The following ADGRL3 variants were observed in gnomAD, a reference collection of about 807,000 sequenced individuals.
ADGRL3 encodes the protein adhesion G protein-coupled receptor L3.
In ADGRL3, 62 loss-of-function variants were observed where a neutral mutation model predicts 153.5. The ratio of observed to expected loss-of-function variants is 0.40; its 90% CI spans 0.33 to 0.50. ADGRL3 has a LOEUF of 0.50. Among genes scored for constraint, ADGRL3 ranks in the 20% least tolerant of loss-of-function variants. The pLI, the probability that ADGRL3 is intolerant of heterozygous loss-of-function variation, is 0.47. For synonymous variants in ADGRL3, 710 were observed against 672.5 expected, an observed-to-expected ratio of 1.06 and a Z score of -0.86; for missense variants, 1,641 against 1,859.4, an observed-to-expected ratio of 0.88 and a Z score of 2.16.
At chr4:62,062,980 A>G (rs1256061017) in intron 25 of ADGRL3, among the ~76,000 whole-genome samples, 1 of 152,092 alleles carries the variant, frequency 6.6e-6, no homozygotes, top group African/African-American at 2.4e-5. Flanking sequence ...GAAATGTCAA[A>G]TTCTGTTGTG....
intron 1 of ADGRL3, among the ~76,000 whole-genome samples, chr4:61,259,516 G>T (rs151107944): frequency 6.6e-6 from 1 of 151,998 alleles, no homozygotes; most frequent in Admixed American, 6.6e-5. Context: ...TATTGGTCAG[G>T]CTTCTTCCTA....
At chr4:61,778,235 A>T (rs957397272) in intron 8 of ADGRL3, among the ~76,000 whole-genome samples, 8 of 152,212 alleles carry the variant, frequency 5.3e-5, no homozygotes, top group Admixed American at 5.2e-4. Context: ...AGATATCTCA[A>T]ATATGTATTT....
intron 6 of ADGRL3, among the ~76,000 whole-genome samples, chr4:61,722,004 T>G (rs969551126): frequency 6.6e-6 from 1 of 152,202 alleles, no homozygotes; most frequent in Non-Finnish European, 1.5e-5. Flanking sequence ...AAGATTATAG[T>G]AATGAATCTA....
chr4:61,487,668 T>C (rs567707820), intron 2 of ADGRL3, among the ~76,000 whole-genome samples: 3 of 152,156 alleles, frequency 2.0e-5, no homozygotes, highest in Admixed American at 6.5e-5. Flanking sequence ...TGGCATATTG[T>C]TAATAATTGT....
At chr4:61,283,607 T>C (rs2150030250) in intron 1 of ADGRL3, among the ~76,000 whole-genome samples, 1 of 152,114 alleles carries the variant, frequency 6.6e-6, no homozygotes, top group Non-Finnish European at 1.5e-5. Context: ...ATTTCAGAAA[T>C]GGTACAGATT....
At chr4:61,452,574 T>C (rs560338224) in intron 2 of ADGRL3, among the ~76,000 whole-genome samples, 1 of 152,312 alleles carries the variant, frequency 6.6e-6, no homozygotes, top group South Asian at 2.1e-4. Context: ...CTTTTAGAGA[T>C]TCCTTGCTTA....
chr4:61,338,639 T>C (rs1382077934), intron 1 of ADGRL3, among the ~76,000 whole-genome samples: 1 of 152,212 alleles, frequency 6.6e-6, no homozygotes, highest in Non-Finnish European at 1.5e-5. Flanking sequence ...TGTTGCTATT[T>C]CCGAATTGGA....
intron 1 of ADGRL3, among the ~76,000 whole-genome samples, chr4:61,322,326 A>C (rs2095374839): frequency 6.6e-6 from 1 of 152,188 alleles, no homozygotes; most frequent in South Asian, 2.1e-4. Flanking sequence ...GAGCCAAACC[A>C]TATCGTTCCA....
intron 1 of ADGRL3, among the ~76,000 whole-genome samples, chr4:61,282,844 A>G (rs1443049314): frequency 6.6e-6 from 1 of 152,104 alleles, no homozygotes; most frequent in East Asian, 1.9e-4. Flanking sequence ...GAAATTAAAT[A>G]AATTTCAGTT....
chr4:61,788,078 A>T (rs190192386), intron 8 of ADGRL3, among the ~76,000 whole-genome samples: 1 of 152,278 alleles, frequency 6.6e-6, no homozygotes, highest in Non-Finnish European at 1.5e-5. Context: ...TGCAATTGGG[A>T]ATTGTGCTGC....
At chr4:61,710,430 A>G (rs2095949700) in intron 6 of ADGRL3, among the ~76,000 whole-genome samples, 1 of 152,128 alleles carries the variant, frequency 6.6e-6, no homozygotes, top group African/African-American at 2.4e-5. Context: ...AGAGATTCTT[A>G]CTTGCAAGAT....
intron 9 of ADGRL3, among the ~76,000 whole-genome samples, chr4:61,861,850 C>G (rs1462643088): frequency 6.6e-6 from 1 of 151,922 alleles, no homozygotes; most frequent in Non-Finnish European, 1.5e-5. Flanking sequence ...TACTTGAAGG[C>G]CCGCCCTACC....
In ADGRL3 at chr4:61,749,422, G is replaced by A. The variant is rs554644605; in HGVS notation, c.1399+15868G>A. On this transcript the variant is annotated intron_variant, in intron 8 of 26. Transcript: ENST00000683033. Reference sequence around the variant, plus strand: ...AGACACATGCACACATATGTTTATTGTGGCACTATGCACAATAGCAAAGAC... The same window carrying A: ...AGACACATGCACACATATGTTTATTATGGCACTATGCACAATAGCAAAGAC... 2.2e-4 allele frequency among the ~76,000 whole-genome samples: 33 copies of A among 152,284 alleles called. No individual in the cohort carries two copies. The East Asian group carries it at 6.4e-3, about 29-fold the overall frequency.
intron 2 of ADGRL3, among the ~76,000 whole-genome samples, chr4:61,476,009 G>A (rs563619505): frequency 1.3e-5 from 2 of 152,134 alleles, no homozygotes; most frequent in African/African-American, 4.8e-5. Context: ...TTGGCTCATG[G>A]GCATTTCTTT....
chr4:61,720,866 T>C (rs1446654633), intron 6 of ADGRL3, among the ~76,000 whole-genome samples: 1 of 152,180 alleles, frequency 6.6e-6, no homozygotes, highest in Non-Finnish European at 1.5e-5. Context: ...CCAGGGAGCA[T>C]AGCACAGAGG....
At chr4:61,480,649 T>G (rs1040184124) in intron 2 of ADGRL3, among the ~76,000 whole-genome samples, 7 of 151,700 alleles carry the variant, frequency 4.6e-5, no homozygotes, top group African/African-American at 1.7e-4. Context: ...TGGGCGGGGT[T>G]TCGGGTGCCT....
chr4:61,898,942 C>T lies in ADGRL3; in HGVS notation c.1887+3108C>T, dbSNP rs572462973. On this transcript the variant is annotated intron_variant, in intron 11 of 26. Coordinates refer to ENST00000683033, the MANE Select transcript of ADGRL3 (RefSeq NM_001387552.1). The stretch of plus-strand genomic sequence containing the variant: ...ACCCTAATCTTATTATGCAAATAGG[C>T]TTTCCACTTGGCAGGCCACGTTGCC... Among the ~76,000 whole-genome samples the T allele has an allele frequency of 2.6e-5, 4 of 152,164 alleles. No individual in the cohort carries two copies. The East Asian group carries it at 7.8e-4, about 30-fold the overall frequency.
intron 1 of ADGRL3, among the ~76,000 whole-genome samples, chr4:61,371,168 T>A (rs1035404849): frequency 6.6e-6 from 1 of 151,034 alleles, no homozygotes; most frequent in African/African-American, 2.4e-5. Context: ...CACTGATGGG[T>A]CTTGACTCTT....
intron 3 of ADGRL3, among the ~76,000 whole-genome samples, chr4:61,508,401 T>C (rs2098443576): frequency 6.6e-6 from 1 of 152,206 alleles, no homozygotes; most frequent in South Asian, 2.1e-4. Context: ...TCTTTTACTA[T>C]TCTCAGCGTA....
Sources: gnomAD v4.1 joint callset for allele counts (sites outside exome capture counted in the v4.1 genomes callset) on GRCh38, gnomAD v4.1.1 for gene constraint, MANE v1.5 for transcripts, NCBI Gene and HGNC (gene_info 2026-07-23, HGNC 2026-07-21) for gene names.